The following ZNF664 variants were observed in gnomAD, a reference collection of about 807,000 sequenced individuals.
ZNF664 encodes the protein zinc finger protein 664, also known as zinc finger Organ of Corti 1.
A neutral mutation model predicts 18.2 loss-of-function variants in ZNF664; 10 were observed. The ratio of observed to expected loss-of-function variants is 0.55; its 90% CI spans 0.34 to 0.93. The LOEUF (loss-of-function observed/expected upper bound fraction) is 0.93. Ranked by LOEUF, ZNF664 falls within the 40% of genes least tolerant of loss-of-function variation. The probability of loss-of-function intolerance (pLI) is 0.02; values close to 1 mark genes in which losing one functional copy is unlikely to be tolerated. For missense variants in ZNF664, 193 were observed against 319.0 expected, an observed-to-expected ratio of 0.61 and a Z score of 3.01; for synonymous variants, 119 against 104.2, an observed-to-expected ratio of 1.14 and a Z score of -0.86.
intron 3 of ZNF664, among the ~76,000 whole-genome samples, chr12:123,991,147 A>G (rs995110375): frequency 6.6e-6 from 1 of 152,210 alleles, no homozygotes; most frequent in Admixed American, 6.5e-5. Flanking sequence ...TTACACATTT[A>G]CTAGTTAGAT....
At chr12:124,009,525 G>T (rs183598801) in intron 3 of ZNF664, among the ~76,000 whole-genome samples, 3 of 151,694 alleles carry the variant, frequency 2.0e-5, no homozygotes, top group Non-Finnish European at 1.5e-5. Context: ...TTTAGATAGG[G>T]TCTCACTCTG....
rs1956845229 is a variant in ZNF664 at position 123,988,059 on chromosome 12, T to C, written c.-740T>C. ...CCCATCCAGCAGGATCCTAAGGCCT[T>C]TGTAGTCCTTCAGCCACTGTGGGCC... On this transcript the variant is annotated 5_prime_UTR_variant, in exon 3 of 5. Transcript: ENST00000337815. 9 of 1,231,512 alleles carry C rather than the reference T, an allele frequency of 7.3e-6. No homozygotes were observed. Among genetic ancestry groups the C allele is most frequent in the Non-Finnish European group, 9.1e-6 (9 of 987,802 alleles). The allele number at this position is 1,231,512 out of a possible 1,614,324, so 76.3% of individuals were successfully genotyped here. A position where few individuals can be genotyped will look rare whatever the true frequency, so the allele number is the denominator to read the frequency against.
intron 3 of ZNF664, among the ~76,000 whole-genome samples, chr12:124,008,275 C>T (rs1957096613): frequency 6.6e-6 from 1 of 152,160 alleles, no homozygotes; most frequent in Non-Finnish European, 1.5e-5. Flanking sequence ...GCTCCAGAGG[C>T]TTGATTAGGT....
At chr12:123,994,717 T>C (rs529994550) in intron 3 of ZNF664, among the ~76,000 whole-genome samples, 4 of 152,302 alleles carry the variant, frequency 2.6e-5, no homozygotes, top group Non-Finnish European at 1.5e-5. Context: ...TACGGGTTAG[T>C]TGCAACGTAC....
chr12:123,973,528 G>A, intron 1 of ZNF664, 176 bp downstream of exon 1: 2 of 391,916 alleles, frequency 5.1e-6, no homozygotes, highest in Non-Finnish European at 7.0e-6. Context: ...GCGGCTCCGC[G>A]CAGCCTGGCG....
intron 2 of ZNF664, among the ~76,000 whole-genome samples, chr12:123,975,531 C>T (rs568409118): frequency 6.6e-6 from 1 of 152,020 alleles, no homozygotes; most frequent in Admixed American, 6.5e-5. Context: ...CTCAAGTGAT[C>T]CTTGTGCCTC....
At chr12:124,002,227 T>TGAG (rs2138424389) in intron 3 of ZNF664, among the ~76,000 whole-genome samples, 1 of 152,202 alleles carries the variant, frequency 6.6e-6, no homozygotes, top group African/African-American at 2.4e-5. Flanking sequence ...GTGAAGGTAC[T>TGAG]GAGGGCACAT....
In ZNF664 at chr12:124,011,696, C is replaced by T. The variant is rs1006075260; in HGVS notation, c.-449C>T. 9.9e-7 allele frequency: 1 copy of T among 1,006,568 alleles called. No homozygotes were observed. The highest frequency in any genetic ancestry group is 1.2e-6 in the Non-Finnish European group (1 of 846,188). 62.4% of individuals were successfully genotyped at this position (1,006,568 alleles called of 1,614,324 possible). A position where few individuals can be genotyped will look rare whatever the true frequency, so the allele number is the denominator to read the frequency against. ...TCTTCAAGGGGCAACTGCAGGGGCT[C>T]GAGACCAGCCAGCAGTATCTCATCC... On this transcript the variant is annotated 5_prime_UTR_variant, in exon 5 of 5. It introduces an in-frame stop codon into an upstream open reading frame of the 5' UTR. Transcript: ENST00000337815.
intron 3 of ZNF664, among the ~76,000 whole-genome samples, chr12:124,002,266 G>T (rs1957021210): frequency 6.6e-6 from 1 of 152,182 alleles, no homozygotes; most frequent in South Asian, 2.1e-4. Flanking sequence ...GACTAGAAAG[G>T]AGATGAGGGA....
intron 1 of ZNF664, 77 bp downstream of exon 1, chr12:123,973,429 C>A: frequency 5.7e-6 from 2 of 349,230 alleles, no homozygotes; most frequent in Non-Finnish European, 7.8e-6. Flanking sequence ...AGGGAGCGGG[C>A]TGGGGGTGGG....
chr12:124,012,264 C>T lies in ZNF664; in HGVS notation c.120C>T (p.Phe40=), dbSNP rs1246121860. 1.4e-5 allele frequency: 22 copies of T among 1,614,076 alleles called. No homozygotes were observed. The highest frequency in any genetic ancestry group is 1.7e-5 in the Non-Finnish European group (20 of 1,180,048). The change falls in exon 5 of 5, where the codon TTC becomes TTT. Residue 40 remains phenylalanine (F), a synonymous_variant. Coordinates refer to ENST00000337815, the MANE Select transcript of ZNF664 (RefSeq NM_152437.3). ...PHKCDKCDKG[F]FHISELHIHW... The stretch of plus-strand genomic sequence containing the variant: ...AATGTGACAAGTGTGATAAGGGTTT[C>T]TTTCATATATCAGAACTTCATATTC...
At chr12:123,990,562 C>G (rs1293483831) in intron 3 of ZNF664, among the ~76,000 whole-genome samples, 5 of 152,142 alleles carry the variant, frequency 3.3e-5, no homozygotes, top group Non-Finnish European at 5.9e-5. Flanking sequence ...TGGGCCTGAG[C>G]ATGAATTTTG....
chr12:123,975,448 A>T (rs1956678438), intron 2 of ZNF664, among the ~76,000 whole-genome samples: 1 of 148,722 alleles, frequency 6.7e-6, no homozygotes, highest in African/African-American at 2.5e-5. Context: ...AGAGAGAGAT[A>T]GGGTCTCTTT....
At chr12:123,994,805 T>A (rs960613397) in intron 3 of ZNF664, among the ~76,000 whole-genome samples, 5 of 152,216 alleles carry the variant, frequency 3.3e-5, no homozygotes, top group Non-Finnish European at 7.3e-5. Context: ...TCTGAATAGA[T>A]CTTTTACAAA....
intron 3 of ZNF664, among the ~76,000 whole-genome samples, chr12:124,002,281 G>T (rs556340250): frequency 6.6e-6 from 1 of 152,174 alleles, no homozygotes; most frequent in African/African-American, 2.4e-5. Flanking sequence ...GAGGGAGGCT[G>T]GTGTGTGGTT....
chr12:124,007,027 T>A (rs1173485147), intron 3 of ZNF664, among the ~76,000 whole-genome samples: 1 of 152,078 alleles, frequency 6.6e-6, no homozygotes, highest in Non-Finnish European at 1.5e-5. Context: ...TGTGGAAGAG[T>A]TGGGTGGGGG....
In ZNF664 at chr12:124,012,117, C is replaced by A. The variant is rs117061283; in HGVS notation, c.-28C>A. ...GTAGTAATCATAAGGAAATTTTCTC[C>A]TTGAAATCACGATACCAAATAGGAA... On this transcript the variant is annotated 5_prime_UTR_variant, in exon 5 of 5. Transcript: ENST00000337815. 248 of 1,576,668 alleles carry A rather than the reference C, an allele frequency of 1.6e-4. No homozygotes were observed. Among genetic ancestry groups the A allele is most frequent in the Non-Finnish European group, 2.1e-4 (241 of 1,167,708 alleles).
intron 2 of ZNF664, among the ~76,000 whole-genome samples, chr12:123,982,427 C>A (rs1956776228): frequency 6.6e-6 from 1 of 152,152 alleles, no homozygotes; most frequent in Admixed American, 6.5e-5. Context: ...CTGCCCTATG[C>A]TTCTATGTGT....
At chr12:124,003,970 C>T (rs780941099) in intron 3 of ZNF664, among the ~76,000 whole-genome samples, 3 of 152,126 alleles carry the variant, frequency 2.0e-5, no homozygotes, top group East Asian at 1.9e-4. Context: ...GAATAAGGTG[C>T]GGTGTCACTG....
Sources: allele counts gnomAD v4.1 joint callset (sites outside exome capture counted in the v4.1 genomes callset), GRCh38; gene constraint gnomAD v4.1.1; transcripts MANE v1.5; gene names NCBI Gene and HGNC (gene_info 2026-07-23, HGNC 2026-07-21).